PTPRN2: variants seen among roughly 807,000 people sequenced by gnomAD.
The protein encoded by PTPRN2 is receptor-type tyrosine-protein phosphatase N2.
PTPRN2 carries 74 observed loss-of-function variants against 118.8 expected under a neutral mutation model. That is an observed-to-expected ratio of 0.62 (90% CI 0.52 to 0.76). The LOEUF is 0.76. Ranked by LOEUF, PTPRN2 falls within the 30% of genes least tolerant of loss-of-function variation. The probability of loss-of-function intolerance (pLI) is 0.00; values close to 1 mark genes in which losing one functional copy is unlikely to be tolerated. For missense variants in PTPRN2, 1,481 were observed against 1,394.4 expected, an observed-to-expected ratio of 1.06 and a Z score of -0.99; for synonymous variants, 641 against 608.0, an observed-to-expected ratio of 1.05 and a Z score of -0.80.
At chr7:158,063,422 C>G (rs567567764) in intron 11 of PTPRN2, among the ~76,000 whole-genome samples, 4 of 152,172 alleles carry the variant, frequency 2.6e-5, no homozygotes, top group Admixed American at 2.0e-4. Context: ...GTAAAACAGA[C>G]CAATCAGCTC....
intron 22 of PTPRN2, among the ~76,000 whole-genome samples, chr7:157,543,501 T>G (rs1255881363): frequency 6.6e-6 from 1 of 152,128 alleles, no homozygotes; most frequent in Non-Finnish European, 1.5e-5. Context: ...GCCCACATAG[T>G]TGGTGGAGGG....
chr7:158,384,417 G>A (rs568198187), intron 2 of PTPRN2, among the ~76,000 whole-genome samples: 29 of 151,646 alleles, frequency 1.9e-4, no homozygotes, highest in African/African-American at 6.6e-4. Flanking sequence ...ACCTCCAGAG[G>A]TTTTTCCCGC....
intron 11 of PTPRN2, among the ~76,000 whole-genome samples, chr7:157,984,214 T>C (rs1803538428): frequency 6.7e-6 from 1 of 150,034 alleles, no homozygotes; most frequent in Non-Finnish European, 1.5e-5. Flanking sequence ...CTGAGTCCTC[T>C]TCACCTGAAA....
chr7:158,168,464 C>T lies in PTPRN2; in HGVS notation c.550-1173G>A, dbSNP rs548101531. 1.3e-4 allele frequency among the ~76,000 whole-genome samples: 20 copies of T among 152,328 alleles called. No individual in the cohort carries two copies. The South Asian group carries it at 3.9e-3, about 30-fold the overall frequency. On this transcript the variant is annotated intron_variant, in intron 5 of 22. Coordinates refer to ENST00000389418, the MANE Select transcript of PTPRN2 (RefSeq NM_002847.5). ...TGTCTGTTTGTATTTTTTGCCTGCA[C>T]TGGTTTTTATTTTAACCCTGAAAAG...
At chr7:157,867,515 C>T (rs1169058105) in intron 12 of PTPRN2, among the ~76,000 whole-genome samples, 11 of 139,622 alleles carry the variant, frequency 7.9e-5, no homozygotes, top group African/African-American at 1.1e-4. Flanking sequence ...CCTGGATACA[C>T]GGCCACCACC....
intron 21 of PTPRN2, among the ~76,000 whole-genome samples, chr7:157,556,694 C>T (rs887680415): frequency 4.0e-5 from 6 of 149,744 alleles, no homozygotes; most frequent in Admixed American, 1.3e-4. Flanking sequence ...TACACACATG[C>T]CCACACACAT....
chr7:158,218,778 T>G (rs1828138358), intron 3 of PTPRN2, among the ~76,000 whole-genome samples: 1 of 152,164 alleles, frequency 6.6e-6, no homozygotes, highest in South Asian at 2.1e-4. Flanking sequence ...GAGCAGAGGT[T>G]GCTATTCTTA....
chr7:157,600,789 T>C (rs747744027), intron 16 of PTPRN2, among the ~76,000 whole-genome samples: 4 of 152,234 alleles, frequency 2.6e-5, no homozygotes, highest in Non-Finnish European at 5.9e-5. Flanking sequence ...ATACTGAATA[T>C]AAACCATTAT....
rs181281464 is a variant in PTPRN2 at position 158,157,770 on chromosome 7, C to T, written c.910+9161G>A. ...TGACCCCCCCAGCACCCCGGGTGCC[C>T]TCTCCTGCGCCTGCTCCCCTGGGAG... On this transcript the variant is annotated intron_variant, in intron 6 of 22. Transcript: ENST00000389418. Among the ~76,000 whole-genome samples the T allele has an allele frequency of 4.3e-4, 65 of 152,362 alleles. No homozygotes were observed. In the East Asian group the frequency reaches 6.0e-3, roughly 14 times the overall value.
chr7:158,184,514 T>G (rs1824975711), intron 5 of PTPRN2, among the ~76,000 whole-genome samples: 1 of 152,166 alleles, frequency 6.6e-6, no homozygotes, highest in East Asian at 1.9e-4. Context: ...TTGACAAAGG[T>G]TATGTAATCT....
At chr7:158,106,090 T>G (rs1336048662) in intron 10 of PTPRN2, among the ~76,000 whole-genome samples, 1 of 152,088 alleles carries the variant, frequency 6.6e-6, no homozygotes, top group Non-Finnish European at 1.5e-5. Flanking sequence ...AGATCATCAC[T>G]GCTCCATTCT....
chr7:158,438,161 T>A lies in PTPRN2; in HGVS notation c.163+51574A>T, dbSNP rs1816707604. 1.3e-5 allele frequency among the ~76,000 whole-genome samples: 2 copies of A among 152,160 alleles called. No homozygotes were observed. Among genetic ancestry groups the A allele is most frequent in the Non-Finnish European group, 2.9e-5 (2 of 68,018 alleles). ...GGGAGGCTGAGGTGGGCGGATCACC[T>A]GAGGTCAGGAATTTGAGACCAGCCT... On this transcript the variant is annotated intron_variant, in intron 2 of 22. Coordinates refer to ENST00000389418, the MANE Select transcript of PTPRN2 (RefSeq NM_002847.5). This position sits in a 1 kb window ranked among gnomAD's most constrained non-coding sequence, Gnocchi z 4.7.
At chr7:158,239,908 C>T (rs1261217091) in intron 3 of PTPRN2, among the ~76,000 whole-genome samples, 3 of 152,096 alleles carry the variant, frequency 2.0e-5, no homozygotes, top group Admixed American at 6.5e-5. Flanking sequence ...ATGAAGGGAA[C>T]GTAGATGACA....
chr7:158,495,658 A>C (rs1231461561), intron 1 of PTPRN2, among the ~76,000 whole-genome samples: 1 of 152,182 alleles, frequency 6.6e-6, no homozygotes, highest in Non-Finnish European at 1.5e-5. Context: ...ACAACGTGTT[A>C]AACCAGGGCG....
intron 3 of PTPRN2, among the ~76,000 whole-genome samples, chr7:158,287,717 A>C (rs922422756): frequency 1.3e-5 from 2 of 152,092 alleles, no homozygotes; most frequent in Non-Finnish European, 2.9e-5. Flanking sequence ...TAAATTTATT[A>C]ATGTGTTTTG....
intron 5 of PTPRN2, among the ~76,000 whole-genome samples, chr7:158,189,497 T>C (rs570624929): frequency 6.6e-6 from 1 of 152,256 alleles, no homozygotes; most frequent in East Asian, 1.9e-4. Flanking sequence ...CTCCTGCCTT[T>C]CTCTATTCAG....
Position 158,489,761 on chromosome 7 carries a change from C to T in PTPRN2, c.137G>A (p.Cys46Tyr). The T allele has an allele frequency of 6.3e-7, 1 of 1,582,892 alleles. No homozygotes were observed. ...GTTCACACAGGCCTCGGACGCTCCG[C>T]AGAGGCCCTCCTCGAGCAGGCAGCC... is the stretch of plus-strand genomic sequence containing the variant. ...RLGCLLEEGL[C>Y]GASEACVNDG... Residue 46 changes from cysteine to tyrosine, a missense_variant, in exon 2 of 23, where the codon TGC becomes TAC. Physicochemically the swap from Cys to Tyr is radical, Grantham distance 194. Coordinates refer to ENST00000389418, the MANE Select transcript of PTPRN2 (RefSeq NM_002847.5).
chr7:157,558,617 C>T (rs1428196379), intron 21 of PTPRN2, among the ~76,000 whole-genome samples: 2 of 152,242 alleles, frequency 1.3e-5, no homozygotes. Context: ...GCACCTTTTA[C>T]CCAAAAGGTG....
chr7:158,333,926 C>CA (rs1465216969), intron 2 of PTPRN2, among the ~76,000 whole-genome samples: 11 of 133,284 alleles, frequency 8.3e-5, no homozygotes, highest in African/African-American at 1.1e-4. Flanking sequence ...CACCCACACT[C>CA]TCACCATAAG....
Sources: allele counts gnomAD v4.1 joint callset (sites outside exome capture counted in the v4.1 genomes callset), GRCh38; gene constraint gnomAD v4.1.1; non-coding constraint Gnocchi (gnomAD v3.1); transcripts MANE v1.5; gene names NCBI Gene and HGNC (gene_info 2026-07-23, HGNC 2026-07-21).